The following BHMT variants were observed in gnomAD, a reference collection of about 807,000 sequenced individuals.
The protein encoded by BHMT is betaine--homocysteine S-methyltransferase 1.
Under a neutral mutation model 49.5 loss-of-function variants are expected in BHMT, and 38 were observed. That is an observed-to-expected ratio of 0.77 (90% CI 0.59 to 1.01). The LOEUF (loss-of-function observed/expected upper bound fraction) is 1.01, where lower values mean the gene tolerates loss of function less well. Among genes scored for constraint, BHMT ranks in the 50% least tolerant of loss-of-function variants. BHMT has a pLI of 0.00. For missense variants in BHMT, 426 were observed against 495.7 expected, an observed-to-expected ratio of 0.86 and a Z score of 1.34; for synonymous variants, 166 against 176.3, an observed-to-expected ratio of 0.94 and a Z score of 0.46.
At chr5:79,118,849 G>T (rs1017107378) in intron 2 of BHMT, among the ~76,000 whole-genome samples, 5 of 152,130 alleles carry the variant, frequency 3.3e-5, no homozygotes, top group Admixed American at 1.3e-4. Flanking sequence ...CCATGTCCTG[G>T]GTAGAAATGA....
intron 5 of BHMT, among the ~76,000 whole-genome samples, chr5:79,123,616 G>A (rs946419092): frequency 3.9e-5 from 6 of 152,068 alleles, no homozygotes; most frequent in Admixed American, 6.6e-5. Flanking sequence ...CAATGGCACC[G>A]TCTTGGCTCA....
At position 79,117,903 on chromosome 5, in the gene BHMT, G is replaced by A. The variant is rs914550470; in HGVS notation, c.167-1356G>A. On this transcript the variant is annotated intron_variant, in intron 2 of 7. Coordinates refer to ENST00000274353, the MANE Select transcript of BHMT (RefSeq NM_001713.3). ...GTTTCACAGTCATTTTATAAAAGGAGTTTTTTTCCACTATCTTACAATGGC... is the reference window on the plus strand; with the variant it reads ...GTTTCACAGTCATTTTATAAAAGGAATTTTTTTCCACTATCTTACAATGGC... Among the ~76,000 whole-genome samples the A allele has an allele frequency of 1.1e-4, 17 of 152,212 alleles. No homozygotes were observed. The East Asian group carries it at 3.3e-3, about 29-fold the overall frequency.
At chr5:79,130,904 G>T (rs766955934) in intron 7 of BHMT, 29 bp from the exon 8 acceptor site, 2 of 1,559,606 alleles carry the variant, frequency 1.3e-6, no homozygotes, top group Non-Finnish European at 1.7e-6. Flanking sequence ...GGAGTCTGTT[G>T]TCTGGTGTCA....
At chr5:79,116,948 A>G (rs1411650315) in intron 2 of BHMT, among the ~76,000 whole-genome samples, 1 of 152,188 alleles carries the variant, frequency 6.6e-6, no homozygotes, top group Non-Finnish European at 1.5e-5. Flanking sequence ...GTTTATGCCC[A>G]AAGTTATGGT....
At chr5:79,113,360 A>G (rs1364935342) in intron 1 of BHMT, among the ~76,000 whole-genome samples, 1 of 152,134 alleles carries the variant, frequency 6.6e-6, no homozygotes, top group Non-Finnish European at 1.5e-5. Context: ...TATTCCCCAA[A>G]CTCAAACTCA....
intron 5 of BHMT, 144 bp downstream of exon 5, chr5:79,121,509 T>A: frequency 8.0e-7 from 1 of 1,245,872 alleles, no homozygotes; most frequent in Non-Finnish European, 1.1e-6. Flanking sequence ...TATTATTGAA[T>A]CCCAGAGGAA....
chr5:79,124,980 T>C (rs1010309335), intron 5 of BHMT, among the ~76,000 whole-genome samples: 1 of 152,178 alleles, frequency 6.6e-6, no homozygotes, highest in African/African-American at 2.4e-5. Context: ...AATGAACTTA[T>C]TAAGTTGGCC....
At chr5:79,124,146 T>C (rs1199702831) in intron 5 of BHMT, among the ~76,000 whole-genome samples, 1 of 151,558 alleles carries the variant, frequency 6.6e-6, no homozygotes, top group East Asian at 1.9e-4. Context: ...AAGGGGAAAA[T>C]AAGGAGTTAG....
At chr5:79,114,058 G>T (rs2112721588) in intron 1 of BHMT, among the ~76,000 whole-genome samples, 1 of 149,366 alleles carries the variant, frequency 6.7e-6, no homozygotes, top group African/African-American at 2.4e-5. Flanking sequence ...CCCTTGTTAT[G>T]TTTTTTATGT....
chr5:79,119,486 C>G, intron 3 of BHMT, 109 bp downstream of exon 3: 5 of 795,456 alleles, frequency 6.3e-6, no homozygotes, highest in Non-Finnish European at 9.7e-6. Context: ...TGTTTTATTT[C>G]TAATAATACA....
chr5:79,115,493 A>G (rs943658508), intron 1 of BHMT, among the ~76,000 whole-genome samples: 2 of 151,812 alleles, frequency 1.3e-5, no homozygotes, highest in Non-Finnish European at 2.9e-5. Flanking sequence ...CTTCAAACAC[A>G]CCTCCCACGG....
intron 1 of BHMT, among the ~76,000 whole-genome samples, chr5:79,114,499 C>A (rs898121162): frequency 6.6e-6 from 1 of 152,162 alleles, no homozygotes; most frequent in Non-Finnish European, 1.5e-5. Context: ...AATTGGGATG[C>A]AAAATCCTGT....
chr5:79,130,919 T>C lies in BHMT; in HGVS notation c.1038-14T>C. On this transcript the variant is annotated splice_polypyrimidine_tract_variant and intron_variant, in intron 7 of 7. Transcript: ENST00000274353. The stretch of plus-strand genomic sequence containing the variant: ...GGAGTCTGTTGTCTGGTGTCATGTG[T>C]TTTGTTCACACAGGGCCAGGAAGGA... The C allele has an allele frequency of 6.3e-7, 1 of 1,596,660 alleles. No homozygotes were observed. Among genetic ancestry groups the C allele is most frequent in the Admixed American group, 1.7e-5 (1 of 57,766 alleles).
intron 1 of BHMT, 63 bp from the exon 2 acceptor site, chr5:79,115,704 A>G (rs1480497892): frequency 6.9e-7 from 1 of 1,459,076 alleles, no homozygotes; most frequent in Non-Finnish European, 9.1e-7. Context: ...CAAAAGTAAT[A>G]AAAATAGAAA....
Position 79,119,329 on chromosome 5 carries a change from T to C in BHMT, c.237T>C (p.Ser79=), listed in dbSNP as rs1756431609. Residue 79 remains serine (S), a synonymous_variant, in exon 3 of 8, where the codon AGT becomes AGC. Coordinates refer to ENST00000274353, the MANE Select transcript of BHMT (RefSeq NM_001713.3). The part of the protein sequence containing the change: ...NVMQTFTFYA[S]EDKLENRGNY... ...TGCAGACCTTCACCTTCTATGCGAG[T>C]GAAGACAAGCTGGAGAACAGGGGCA... The C allele has an allele frequency of 6.2e-7, 1 of 1,614,060 alleles. No homozygotes were observed. Among genetic ancestry groups the C allele is most frequent in the East Asian group, 2.2e-5 (1 of 44,874 alleles).
rs1756654716 is a variant in BHMT, at chr5:79,132,272, GAA to G, written c.*1157_*1158del. Reference sequence around the variant, plus strand: ...TGTAATTCTTTTCAGCTATTAAAAAGAAGAGCAATGAGACTATATTGCTTGTA... The same window carrying G: ...TGTAATTCTTTTCAGCTATTAAAAAGGAGCAATGAGACTATATTGCTTGTA... On this transcript the variant is annotated 3_prime_UTR_variant, in exon 8 of 8. Coordinates refer to ENST00000274353, the MANE Select transcript of BHMT (RefSeq NM_001713.3). 1 of 152,164 alleles carries G rather than the reference GAA, an allele frequency of 6.6e-6. No individual in the cohort carries two copies. The highest frequency in any genetic ancestry group is 2.4e-5 in the African/African-American group (1 of 41,442). 9.4% of individuals were successfully genotyped at this position (152,164 alleles called of 1,614,324 possible).
chr5:79,127,720 T>A, intron 6 of BHMT, 35 bp from the exon 7 acceptor site: 1 of 1,603,006 alleles, frequency 6.2e-7, no homozygotes, highest in East Asian at 2.2e-5. Flanking sequence ...GAAAAGAATG[T>A]ATAATGCCTA....
rs1237089777 is a variant in BHMT at position 79,121,780 on chromosome 5, A to G, written c.625+415A>G. Among the ~76,000 whole-genome samples, 6 of 145,706 alleles carry G rather than the reference A, an allele frequency of 4.1e-5. No homozygotes were observed. In the Admixed American group the frequency reaches 4.2e-4, roughly 10 times the overall value. On this transcript the variant is annotated intron_variant, in intron 5 of 7. Transcript: ENST00000274353. ...CAGTGAGCCGAGATTGCGCCACTGC[A>G]CTCCAGCCTGGGCGAAAGAGCGAGA... is the stretch of plus-strand genomic sequence containing the variant.
chr5:79,112,387 C>T (rs1218198452), intron 1 of BHMT, among the ~76,000 whole-genome samples: 1 of 152,242 alleles, frequency 6.6e-6, no homozygotes, highest in Non-Finnish European at 1.5e-5. Flanking sequence ...AGCCCCTCCG[C>T]ATCTGTGTCC....
Sources: allele counts gnomAD v4.1 joint callset (sites outside exome capture counted in the v4.1 genomes callset), GRCh38; gene constraint gnomAD v4.1.1; transcripts MANE v1.5; gene names NCBI Gene and HGNC (gene_info 2026-07-23, HGNC 2026-07-21).